Variants in CHRM3 observed in about 807,000 individuals in gnomAD.
CHRM3 encodes muscarinic acetylcholine receptor M3.
Under a neutral mutation model 41.8 loss-of-function variants are expected in CHRM3, and 11 were observed. The observed-to-expected ratio is 0.26, with a 90% confidence interval of 0.17 to 0.44. The LOEUF (loss-of-function observed/expected upper bound fraction) is 0.44. Ranked by LOEUF, CHRM3 falls within the 20% of genes least tolerant of loss-of-function variation. The pLI, the probability that CHRM3 is intolerant of heterozygous loss-of-function variation, is 1.00. For missense variants in CHRM3, 571 were observed against 745.4 expected, an observed-to-expected ratio of 0.77 and a Z score of 2.72; for synonymous variants, 297 against 301.4, an observed-to-expected ratio of 0.99 and a Z score of 0.15.
At chr1:239,610,121 AGGCGG>A (rs1666837359) in intron 3 of CHRM3, among the ~76,000 whole-genome samples, 1 of 127,716 alleles carries the variant, frequency 7.8e-6, no homozygotes, top group Non-Finnish European at 1.6e-5. Flanking sequence ...TGAACCTGGG[AGGCGG>A]GGCTTGCAGT....
chr1:239,779,137 G>C (rs1432746795), intron 5 of CHRM3, among the ~76,000 whole-genome samples: 1 of 151,850 alleles, frequency 6.6e-6, no homozygotes, highest in Non-Finnish European at 1.5e-5. Flanking sequence ...TTGTTTGTTT[G>C]TTTCTTTGTT....
intron 1 of CHRM3, among the ~76,000 whole-genome samples, chr1:239,460,225 C>T (rs1388056422): frequency 1.3e-5 from 2 of 152,104 alleles, no homozygotes; most frequent in South Asian, 4.1e-4. Flanking sequence ...AATGGAAAGG[C>T]CAAACATAAA....
At chr1:239,424,979 G>A (rs942728509) in intron 1 of CHRM3, among the ~76,000 whole-genome samples, 1 of 152,190 alleles carries the variant, frequency 6.6e-6, no homozygotes, top group African/African-American at 2.4e-5. Flanking sequence ...AGTGGGTAAT[G>A]CATGGGGGCA....
intron 2 of CHRM3, among the ~76,000 whole-genome samples, chr1:239,497,469 G>A (rs1667959289): frequency 6.6e-6 from 1 of 152,110 alleles, no homozygotes; most frequent in African/African-American, 2.4e-5. Flanking sequence ...TGGCTCATAA[G>A]CAATCTGTTT....
At chr1:239,686,196 TACTC>T (rs1026628904) in intron 5 of CHRM3, among the ~76,000 whole-genome samples, 1 of 152,170 alleles carries the variant, frequency 6.6e-6, no homozygotes, top group Non-Finnish European at 1.5e-5. Context: ...GGACTTCTGT[TACTC>T]ACTACCTTAA....
Position 239,699,775 on chromosome 1 carries a change from C to T in CHRM3, c.-147+21487C>T, listed in dbSNP as rs560979739. Among the ~76,000 whole-genome samples, 111 of 151,990 alleles carry T rather than the reference C, an allele frequency of 7.3e-4. 3 individuals carry two copies. The highest frequency in any genetic ancestry group is 1.2e-4 in the Non-Finnish European group (8 of 67,992). On this transcript the variant is annotated intron_variant, in intron 5 of 6. Transcript: ENST00000676153. ...CATGGAAACACTGACTAAATGTTTA[C>T]AAATTGGTTATAACAAATTGCATAC...
chr1:239,834,471 C>G (rs529078218), intron 6 of CHRM3, among the ~76,000 whole-genome samples: 1 of 152,054 alleles, frequency 6.6e-6, no homozygotes, highest in African/African-American at 2.4e-5. Flanking sequence ...TTCTCTCTCT[C>G]CCTGCACCAT....
chr1:239,600,013 A>G (rs2148681274), intron 3 of CHRM3, among the ~76,000 whole-genome samples: 1 of 152,256 alleles, frequency 6.6e-6, no homozygotes, highest in East Asian at 1.9e-4. Flanking sequence ...TTTCTCCCTC[A>G]ACCTGCATTT....
At chr1:239,796,411 C>G (rs1266166745) in intron 5 of CHRM3, among the ~76,000 whole-genome samples, 2 of 152,124 alleles carry the variant, frequency 1.3e-5, no homozygotes, top group African/African-American at 4.8e-5. Context: ...ACGTATACCA[C>G]CAAAGGTCTT....
intron 6 of CHRM3, among the ~76,000 whole-genome samples, chr1:239,871,279 G>T (rs983297436): frequency 1.3e-5 from 2 of 152,140 alleles, no homozygotes; most frequent in African/African-American, 4.8e-5. Flanking sequence ...GTCTCGCTCT[G>T]TTGCGAGGCT....
rs947120356 is a variant in CHRM3 at position 239,710,217 on chromosome 1, A to AAT, written c.-147+31941_-147+31942dup. Among the ~76,000 whole-genome samples the AAT allele has an allele frequency of 1.8e-4, 28 of 151,784 alleles. No homozygotes were observed. The East Asian group carries it at 2.1e-3, about 12-fold the overall frequency. ...ATGTATAACTATATCCATATTATTG[A>AAT]ATATATATATATAACTGTATGCATA... On this transcript the variant is annotated intron_variant, in intron 5 of 6. Coordinates refer to ENST00000676153, the MANE Select transcript of CHRM3 (RefSeq NM_001375978.1).
chr1:239,538,939 T>C (rs1658468340), intron 2 of CHRM3, among the ~76,000 whole-genome samples: 1 of 152,192 alleles, frequency 6.6e-6, no homozygotes, highest in African/African-American at 2.4e-5. Flanking sequence ...TCTAATGAAA[T>C]ATAACTTTAG....
intron 1 of CHRM3, among the ~76,000 whole-genome samples, chr1:239,428,070 C>T (rs1662535616): frequency 6.6e-6 from 1 of 152,150 alleles, no homozygotes; most frequent in Non-Finnish European, 1.5e-5. Flanking sequence ...ATAGTAGACT[C>T]CTTCTCACTG....
At chr1:239,652,818 A>AG (rs2148975033) in intron 4 of CHRM3, among the ~76,000 whole-genome samples, 1 of 81,888 alleles carries the variant, frequency 1.2e-5, no homozygotes, top group Admixed American at 1.3e-4. Context: ...CCTATCTCAT[A>AG]AAGTCGTGAA....
intron 4 of CHRM3, among the ~76,000 whole-genome samples, chr1:239,671,023 T>C (rs1006485159): frequency 6.6e-6 from 1 of 152,210 alleles, no homozygotes; most frequent in Non-Finnish European, 1.5e-5. Context: ...CCATCAGCAG[T>C]GTATGAGAGT....
chr1:239,678,840 A>G (rs2149089394), intron 5 of CHRM3, among the ~76,000 whole-genome samples: 1 of 152,308 alleles, frequency 6.6e-6, no homozygotes, highest in East Asian at 1.9e-4. Context: ...GTATGCCAAC[A>G]TAAATATTAC....
intron 6 of CHRM3, among the ~76,000 whole-genome samples, chr1:239,877,832 A>G (rs1024100603): frequency 6.6e-6 from 1 of 150,870 alleles, no homozygotes; most frequent in South Asian, 2.1e-4. Context: ...GGAGGAGAGG[A>G]GGGGGTGGTT....
intron 5 of CHRM3, among the ~76,000 whole-genome samples, chr1:239,687,819 A>C (rs1259096334): frequency 1.3e-5 from 2 of 152,192 alleles, no homozygotes; most frequent in African/African-American, 4.8e-5. Context: ...ATAGGTTTGT[A>C]GCCTAGGAGC....
At chr1:239,393,709 G>A (rs113636319) in intron 1 of CHRM3, among the ~76,000 whole-genome samples, 2 of 152,162 alleles carry the variant, frequency 1.3e-5, no homozygotes, top group African/African-American at 2.4e-5. Flanking sequence ...ACTGAAAATC[G>A]GTCTGACTAA....
Sources: gnomAD v4.1 joint callset for allele counts (sites outside exome capture counted in the v4.1 genomes callset) on GRCh38, gnomAD v4.1.1 for gene constraint, MANE v1.5 for transcripts, NCBI Gene and HGNC (gene_info 2026-07-23, HGNC 2026-07-21) for gene names.